Variants in AGBL4 observed in about 807,000 individuals in gnomAD.
AGBL4 encodes cytosolic carboxypeptidase 6.
In AGBL4, 58 loss-of-function variants were observed where a neutral mutation model predicts 66.4. The ratio of observed to expected loss-of-function variants is 0.87; its 90% CI spans 0.71 to 1.09. The LOEUF (loss-of-function observed/expected upper bound fraction) is 1.09, where lower values mean the gene tolerates loss of function less well. Ranked by LOEUF, AGBL4 falls within the 50% of genes least tolerant of loss-of-function variation. The probability of loss-of-function intolerance (pLI) is 0.00; values close to 1 mark genes in which losing one functional copy is unlikely to be tolerated. For missense variants in AGBL4, 579 were observed against 631.0 expected, an observed-to-expected ratio of 0.92 and a Z score of 0.88; for synonymous variants, 234 against 222.9, an observed-to-expected ratio of 1.05 and a Z score of -0.44.
At chr1:49,634,360 A>G (rs886143108) in intron 3 of AGBL4, among the ~76,000 whole-genome samples, 1 of 152,130 alleles carries the variant, frequency 6.6e-6, no homozygotes, top group African/African-American at 2.4e-5. Context: ...GATGGTTTCC[A>G]GCTTCATCCA....
chr1:48,845,500 A>C (rs1249023767), intron 6 of AGBL4, among the ~76,000 whole-genome samples: 1 of 152,240 alleles, frequency 6.6e-6, no homozygotes, highest in Non-Finnish European at 1.5e-5. Context: ...AGATGCCTGC[A>C]TGAAATGTGG....
intron 3 of AGBL4, among the ~76,000 whole-genome samples, chr1:49,518,240 C>T (rs534416927): frequency 6.6e-6 from 1 of 152,138 alleles, no homozygotes; most frequent in East Asian, 1.9e-4. Flanking sequence ...AAACCCAGGG[C>T]CTTCCTATCT....
chr1:49,526,281 A>T (rs1160374541), intron 3 of AGBL4, among the ~76,000 whole-genome samples: 2 of 152,002 alleles, frequency 1.3e-5, no homozygotes, highest in East Asian at 3.9e-4. Flanking sequence ...TATAAAGAGA[A>T]AAAAACTACA....
intron 11 of AGBL4, among the ~76,000 whole-genome samples, chr1:48,580,222 T>A (rs940359825): frequency 6.6e-6 from 1 of 152,162 alleles, no homozygotes; most frequent in African/African-American, 2.4e-5. Context: ...AGCAGACACA[T>A]CTGCTCACAT....
intron 2 of AGBL4, among the ~76,000 whole-genome samples, chr1:49,751,700 C>T (rs114528969): frequency 0.043 from 6,517 of 152,180 alleles, 203 homozygotes; most frequent in African/African-American, 0.099. Context: ...GCTGTGAATC[C>T]GTCTGGTCCT....
intron 2 of AGBL4, among the ~76,000 whole-genome samples, chr1:49,705,344 A>C (rs1302901555): frequency 6.6e-6 from 1 of 152,094 alleles, no homozygotes; most frequent in East Asian, 1.9e-4. Context: ...GGATTTTCTA[A>C]ATATACAGCC....
intron 3 of AGBL4, among the ~76,000 whole-genome samples, chr1:49,381,201 T>G (rs1027227139): frequency 1.3e-5 from 2 of 152,114 alleles, no homozygotes; most frequent in African/African-American, 2.4e-5. Flanking sequence ...GAACAGACAC[T>G]TCTCAAAAGA....
chr1:49,738,883 T>C (rs2124739398), intron 2 of AGBL4, among the ~76,000 whole-genome samples: 1 of 152,170 alleles, frequency 6.6e-6, no homozygotes, highest in East Asian at 1.9e-4. Context: ...AGAAAGGACA[T>C]CGATACCAAA....
At position 48,689,438 on chromosome 1, in the gene AGBL4, T is replaced by TTCCC. The variant is rs1218901262; in HGVS notation, c.635-26201_635-26198dup. 5.0e-3 allele frequency among the ~76,000 whole-genome samples: 740 copies of TTCCC among 147,800 alleles called. 3 individuals are homozygous for TTCCC. The highest frequency in any genetic ancestry group is 8.2e-3 in the Non-Finnish European group (556 of 67,476). On this transcript the variant is annotated intron_variant, in intron 6 of 13. Transcript: ENST00000371839. ...CTTCCTTCCTTCCTTTCTTCTTTCC[T>TTCCC]TCCCTCCCTCCCTCCCTCCCTCCTT... is the stretch of plus-strand genomic sequence containing the variant.
At chr1:48,599,002 T>A (rs1388141540) in intron 9 of AGBL4, among the ~76,000 whole-genome samples, 1 of 152,166 alleles carries the variant, frequency 6.6e-6, no homozygotes, top group East Asian at 1.9e-4. Context: ...TTTTAATTTT[T>A]AAACATTTTT....
intron 6 of AGBL4, among the ~76,000 whole-genome samples, chr1:48,674,067 T>G (rs1398585242): frequency 6.6e-6 from 1 of 152,096 alleles, no homozygotes; most frequent in African/African-American, 2.4e-5. Flanking sequence ...CCTGCCCACC[T>G]CCCACGCTCG....
rs1651893159 is a variant in AGBL4, at chr1:49,918,981, A to C, written c.35-67463T>G. 2.6e-5 allele frequency among the ~76,000 whole-genome samples: 4 copies of C among 152,140 alleles called. No homozygotes were observed. In the South Asian group the frequency reaches 8.3e-4, roughly 32 times the overall value. On this transcript the variant is annotated intron_variant, in intron 1 of 13. Transcript: ENST00000371839. ...CATATAAACAGAACCAAAGACAAAA[A>C]CCACATGATTATCTCAATAGATGCA...
chr1:49,591,493 C>T (rs1384543136), intron 3 of AGBL4, among the ~76,000 whole-genome samples: 3 of 152,088 alleles, frequency 2.0e-5, no homozygotes, highest in East Asian at 1.9e-4. Context: ...CATTCTCTAT[C>T]GTTAAAATGA....
At chr1:49,277,500 C>T (rs1644191254) in intron 3 of AGBL4, among the ~76,000 whole-genome samples, 1 of 152,158 alleles carries the variant, frequency 6.6e-6, no homozygotes, top group Non-Finnish European at 1.5e-5. Flanking sequence ...CCACCACTCA[C>T]TATCTTTGCA....
At chr1:49,285,952 A>T (rs1461473672) in intron 3 of AGBL4, among the ~76,000 whole-genome samples, 2 of 152,254 alleles carry the variant, frequency 1.3e-5, no homozygotes, top group Non-Finnish European at 2.9e-5. Flanking sequence ...ACATTGATGC[A>T]AAAATCCTCA....
At chr1:49,013,903 A>G (rs1442918280) in intron 5 of AGBL4, among the ~76,000 whole-genome samples, 1 of 152,158 alleles carries the variant, frequency 6.6e-6, no homozygotes, top group African/African-American at 2.4e-5. Flanking sequence ...TAAGGTCTAC[A>G]TTCTCTAGCA....
In AGBL4 at chr1:48,682,826, C is replaced by A. The variant is rs140981506; in HGVS notation, c.635-19585G>T. Among the ~76,000 whole-genome samples the A allele has an allele frequency of 3.5e-3, 528 of 152,304 alleles. 1 individual carries two copies. The highest frequency in any genetic ancestry group is 0.012 in the African/African-American group (505 of 41,568). ...AGCCCTGTAAGCACTCTGAAAACCT[C>A]AGTTTTATCACATAGGATATGAGGA... On this transcript the variant is annotated intron_variant, in intron 6 of 13. Transcript: ENST00000371839.
intron 4 of AGBL4, among the ~76,000 whole-genome samples, chr1:49,202,882 AT>A (rs998989659): frequency 5.8e-4 from 88 of 152,148 alleles, no homozygotes; most frequent in African/African-American, 2.0e-3. Flanking sequence ...AATATCCAGA[AT>A]ATATAAAGAA....
rs201931361 is a variant in AGBL4 at position 49,257,792 on chromosome 1, T to C, written c.283-11928A>G. ...CGCTGGGAGCTGTAGACCAGAGCTG[T>C]TCCTATTCGGCCATCTTGGCTCCTC... On this transcript the variant is annotated intron_variant, in intron 3 of 13. Coordinates refer to ENST00000371839, the MANE Select transcript of AGBL4 (RefSeq NM_032785.4). Among the ~76,000 whole-genome samples, 9 of 152,272 alleles carry C rather than the reference T, an allele frequency of 5.9e-5. No homozygotes were observed. In the East Asian group the frequency reaches 1.4e-3, roughly 23 times the overall value.
Sources: gnomAD v4.1 joint callset for allele counts (sites outside exome capture counted in the v4.1 genomes callset) on GRCh38, gnomAD v4.1.1 for gene constraint, MANE v1.5 for transcripts, NCBI Gene and HGNC (gene_info 2026-07-23, HGNC 2026-07-21) for gene names.